Variants in ROBO2 observed in about 807,000 individuals in gnomAD.
ROBO2 encodes roundabout guidance receptor 2, also known as roundabout homolog 2.
A neutral mutation model predicts 160.8 loss-of-function variants in ROBO2; 53 were observed. That is an observed-to-expected ratio of 0.33 (90% CI 0.26 to 0.41). The LOEUF (loss-of-function observed/expected upper bound fraction) is 0.41. Ranked by LOEUF, ROBO2 falls within the 10% of genes least tolerant of loss-of-function variation. ROBO2 has a pLI of 1.00. For missense variants in ROBO2, 1,577 were observed against 1,722.4 expected (o/e 0.92, Z 1.49); for synonymous variants, 664 against 611.7 (o/e 1.09, Z -1.26).
chr3:75,947,581 G>T (rs1205321547), intron 2 of ROBO2, among the ~76,000 whole-genome samples: 1 of 152,158 alleles, frequency 6.6e-6, no homozygotes, highest in African/African-American at 2.4e-5. Context: ...ATGAAACCCT[G>T]TGGGGAGAGA....
At chr3:77,235,375 C>T (rs1264812022) in intron 2 of ROBO2, among the ~76,000 whole-genome samples, 12 of 126,452 alleles carry the variant, frequency 9.5e-5, no homozygotes, top group Admixed American at 2.5e-4. Context: ...TTTTTTGAGA[C>T]GGAGTTTCGC....
At chr3:77,388,755 A>G (rs2074394233) in intron 2 of ROBO2, among the ~76,000 whole-genome samples, 1 of 152,204 alleles carries the variant, frequency 6.6e-6, no homozygotes, top group Admixed American at 6.5e-5. Flanking sequence ...TTTTACTACC[A>G]TAGTAAATTG....
intron 2 of ROBO2, among the ~76,000 whole-genome samples, chr3:77,103,276 C>T (rs974783146): frequency 1.3e-5 from 2 of 152,082 alleles, no homozygotes; most frequent in African/African-American, 2.4e-5. Flanking sequence ...TGATGAAGTC[C>T]CCAGATTATT....
At chr3:76,397,910 A>G (rs1301618329) in intron 2 of ROBO2, among the ~76,000 whole-genome samples, 1 of 151,886 alleles carries the variant, frequency 6.6e-6, no homozygotes, top group Non-Finnish European at 1.5e-5. Flanking sequence ...TGTGGAAGTC[A>G]GTGTGGCGAT....
At chr3:77,351,657 G>T (rs2068349025) in intron 2 of ROBO2, among the ~76,000 whole-genome samples, 2 of 152,020 alleles carry the variant, frequency 1.3e-5, no homozygotes, top group Admixed American at 1.3e-4. Context: ...ACATCAAGAA[G>T]GTCTCATTTA....
chr3:76,331,728 G>T (rs562539627), intron 2 of ROBO2, among the ~76,000 whole-genome samples: 4 of 146,670 alleles, frequency 2.7e-5, no homozygotes, highest in African/African-American at 5.1e-5. Context: ...TCACTCTGTC[G>T]CCCAGGCCTG....
At chr3:76,161,828 A>G (rs1228985342) in intron 2 of ROBO2, among the ~76,000 whole-genome samples, 2 of 152,152 alleles carry the variant, frequency 1.3e-5, no homozygotes, top group Admixed American at 1.3e-4. Flanking sequence ...TCTGAATTCC[A>G]CAAGAGGATG....
At chr3:76,069,420 C>G in intron 2 of ROBO2, among the ~76,000 whole-genome samples, 1 of 152,218 alleles carries the variant, frequency 6.6e-6, no homozygotes, top group Middle Eastern at 3.4e-3. Context: ...GTAATTTACA[C>G]TGACACTACA....
chr3:77,544,426 T>C (rs1048495386), intron 6 of ROBO2, among the ~76,000 whole-genome samples: 2 of 152,130 alleles, frequency 1.3e-5, no homozygotes, highest in South Asian at 2.1e-4. Flanking sequence ...TCTATAGTTA[T>C]AGAAGAAAAT....
intron 2 of ROBO2, among the ~76,000 whole-genome samples, chr3:76,967,852 AT>A: frequency 6.6e-6 from 1 of 152,136 alleles, no homozygotes. Flanking sequence ...TAAAATACAC[AT>A]TTTTTATGGT....
At chr3:77,568,973 G>A (rs1234712490) in intron 13 of ROBO2, among the ~76,000 whole-genome samples, 1 of 151,984 alleles carries the variant, frequency 6.6e-6, no homozygotes, top group Non-Finnish European at 1.5e-5. Flanking sequence ...CCATGTGGTA[G>A]CGCGTATCAG....
chr3:77,317,403 G>A (rs1294446860), intron 2 of ROBO2: 9 of 1,242,246 alleles, frequency 7.2e-6, no homozygotes, highest in Non-Finnish European at 9.3e-6. Context: ...CGTAGACCTC[G>A]AGCCATAGTC....
chr3:76,983,907 G>A (rs1428779695), intron 2 of ROBO2, among the ~76,000 whole-genome samples: 1 of 152,224 alleles, frequency 6.6e-6, no homozygotes, highest in Admixed American at 6.5e-5. Context: ...AAAGGAAGAA[G>A]TTTAATTGAC....
At chr3:77,214,274 G>GCT (rs1560254109) in intron 2 of ROBO2, among the ~76,000 whole-genome samples, 1 of 152,138 alleles carries the variant, frequency 6.6e-6, no homozygotes, top group East Asian at 1.9e-4. Context: ...TGTATTGGGT[G>GCT]CATATATATT....
At chr3:76,179,865 G>C (rs1701420294) in intron 2 of ROBO2, among the ~76,000 whole-genome samples, 1 of 152,118 alleles carries the variant, frequency 6.6e-6, no homozygotes. Context: ...TTTTTATAAA[G>C]TGGTGACTTC....
chr3:76,035,777 A>C (rs1158172512), intron 2 of ROBO2, among the ~76,000 whole-genome samples: 1 of 152,004 alleles, frequency 6.6e-6, no homozygotes, highest in Non-Finnish European at 1.5e-5. Context: ...GATTGAAAAC[A>C]ATCTCATCAA....
Position 77,013,548 on chromosome 3 carries a change from C to G in ROBO2, c.110-84466C>G, listed in dbSNP as rs189955412. Among the ~76,000 whole-genome samples, 529 of 152,252 alleles carry G rather than the reference C, an allele frequency of 3.5e-3. 2 individuals are homozygous for G. Among genetic ancestry groups the G allele is most frequent in the African/African-American group, 0.012 (508 of 41,556 alleles). ...CCTAAGCATTTAAGGCTCTGACCGT[C>G]ATTAAAGGAAATGAATCCTGTAGGT... On this transcript the variant is annotated intron_variant, in intron 2 of 26. Coordinates refer to the ROBO2 transcript ENST00000487694.
chr3:76,323,128 T>C (rs976497187), intron 2 of ROBO2, among the ~76,000 whole-genome samples: 7 of 120,748 alleles, frequency 5.8e-5, no homozygotes, highest in South Asian at 2.7e-4. Flanking sequence ...CTTTTACTTA[T>C]TGTTAGTATT....
At chr3:77,476,488 C>T (rs1319645397) in intron 2 of ROBO2, among the ~76,000 whole-genome samples, 2 of 151,890 alleles carry the variant, frequency 1.3e-5, no homozygotes, top group Non-Finnish European at 2.9e-5. Context: ...TAAAGCCAGT[C>T]AGGAAAAGCA....
Sources: allele counts gnomAD v4.1 joint callset (sites outside exome capture counted in the v4.1 genomes callset), GRCh38; gene constraint gnomAD v4.1.1; transcripts MANE v1.5; gene names NCBI Gene and HGNC (gene_info 2026-07-23, HGNC 2026-07-21).